Variants in ISY1 observed in about 807,000 individuals in gnomAD.
ISY1 encodes pre-mRNA-splicing factor ISY1 homolog.
ISY1 carries 12 observed loss-of-function variants against 54.4 expected under a neutral mutation model. The observed-to-expected ratio is 0.22, with a 90% CI of 0.14 to 0.36. ISY1 has a LOEUF of 0.36. ISY1 is among the 10% of genes least tolerant of loss of function. The pLI is 1.00. For synonymous variants in ISY1, 96 were observed against 117.9 expected (o/e 0.81, Z 1.20); for missense variants, 282 against 342.2 (o/e 0.82, Z 1.39).
Position 129,142,132 on chromosome 3 carries a change from G to A in ISY1, c.301-1647C>T, listed in dbSNP as rs1258462499. 3.3e-5 allele frequency among the ~76,000 whole-genome samples: 5 copies of A among 151,612 alleles called. No individual in the cohort carries two copies. The East Asian group carries it at 9.7e-4, about 29-fold the overall frequency. On this transcript the variant is annotated intron_variant, in intron 6 of 10. Coordinates refer to ENST00000393295, the MANE Select transcript of ISY1 (RefSeq NM_020701.4). Reference sequence around the variant, plus strand: ...GAGCACAAGAATCACTTGAACCTGGGAGGCGGAGGTTAGGGTGAGCTGAGA... The same window carrying A: ...GAGCACAAGAATCACTTGAACCTGGAAGGCGGAGGTTAGGGTGAGCTGAGA...
At chr3:129,137,648 G>GGGAT (rs1936456992) in intron 7 of ISY1, among the ~76,000 whole-genome samples, 5 of 151,662 alleles carry the variant, frequency 3.3e-5, no homozygotes, top group Admixed American at 3.3e-4. Flanking sequence ...CGGGAGCAGT[G>GGGAT]GGATGTTATC....
intron 5 of ISY1, among the ~76,000 whole-genome samples, chr3:129,146,139 C>G (rs1936759822): frequency 6.6e-6 from 1 of 151,996 alleles, no homozygotes; most frequent in Non-Finnish European, 1.5e-5. Context: ...ATAAACAACC[C>G]TGAAACAACC....
At chr3:129,157,273 T>C (rs1487780939) in intron 3 of ISY1, among the ~76,000 whole-genome samples, 1 of 152,134 alleles carries the variant, frequency 6.6e-6, no homozygotes, top group African/African-American at 2.4e-5. Context: ...CATGTGCGTA[T>C]ATAAAATTAA....
At chr3:129,160,497 G>A (rs1184448050) in intron 1 of ISY1, among the ~76,000 whole-genome samples, 1 of 151,612 alleles carries the variant, frequency 6.6e-6, no homozygotes, top group East Asian at 1.9e-4. Flanking sequence ...CATCTGCAAC[G>A]ACTCTGTGTC....
In ISY1 at chr3:129,154,601, T is replaced by C. The variant is rs544335272; in HGVS notation, c.187+2032A>G. ...ATCCTTTTAATGTATATAGATTCTA[T>C]AGTAATATTCCCAATTTGGTTCCTA... On this transcript the variant is annotated intron_variant, in intron 5 of 10. Coordinates refer to ENST00000393295, the MANE Select transcript of ISY1 (RefSeq NM_020701.4). Among the ~76,000 whole-genome samples, 5 of 152,176 alleles carry C rather than the reference T, an allele frequency of 3.3e-5. No homozygotes were observed. In the South Asian group the frequency reaches 8.3e-4, roughly 25 times the overall value.
intron 5 of ISY1, among the ~76,000 whole-genome samples, chr3:129,153,325 G>C (rs756495839): frequency 2.0e-5 from 3 of 152,120 alleles, no homozygotes; most frequent in Non-Finnish European, 4.4e-5. Flanking sequence ...TTCTTTAACA[G>C]ATATAGGACT....
At chr3:129,151,960 A>C (rs1415336892) in intron 5 of ISY1, among the ~76,000 whole-genome samples, 1 of 152,120 alleles carries the variant, frequency 6.6e-6, no homozygotes, top group Non-Finnish European at 1.5e-5. Context: ...GGAATTCGAG[A>C]CCAGCCTTGC....
At chr3:129,142,435 G>A (rs1443746842) in intron 6 of ISY1, among the ~76,000 whole-genome samples, 2 of 152,114 alleles carry the variant, frequency 1.3e-5, no homozygotes, top group East Asian at 3.8e-4. Context: ...AAAGGGTAAA[G>A]AAGCATGATG....
At chr3:129,130,759 T>TA in intron 9 of ISY1, 123 bp from the exon 10 acceptor site, 1 of 1,048,194 alleles carries the variant, frequency 9.5e-7, no homozygotes, top group Admixed American at 3.0e-5. Context: ...GTTCTATACT[T>TA]ATAGAAAGAC....
intron 5 of ISY1, among the ~76,000 whole-genome samples, chr3:129,151,957 G>A (rs917910172): frequency 1.3e-5 from 2 of 152,046 alleles, no homozygotes; most frequent in Admixed American, 6.6e-5. Context: ...TTGGGAATTC[G>A]AGACCAGCCT....
chr3:129,130,654 G>T lies in ISY1; in HGVS notation c.664-18C>A, dbSNP rs563551591. 8 of 1,613,374 alleles carry T rather than the reference G, an allele frequency of 5.0e-6. No homozygotes were observed. The highest frequency in any genetic ancestry group is 3.3e-5 in the South Asian group (3 of 91,044). ...TCGTCCGACTACAAACAGAACAAAC[G>T]AAAGTCCATCAGTAGGCGCCCAGCT... On this transcript the variant is annotated intron_variant, in intron 9 of 10. Coordinates refer to ENST00000393295, the MANE Select transcript of ISY1 (RefSeq NM_020701.4).
chr3:129,129,437 G>T lies in ISY1; in HGVS notation c.*644C>A, dbSNP rs1211449516. On this transcript the variant is annotated 3_prime_UTR_variant, in exon 11 of 11. Coordinates refer to ENST00000393295, the MANE Select transcript of ISY1 (RefSeq NM_020701.4). ...TCGCCAGGCTGGAGTGCAATGGCAC[G>T]ATCTTGGCTCACTTCAACCTCCACC... The T allele has an allele frequency of 6.7e-6, 1 of 150,088 alleles. No individual in the cohort carries two copies. Among genetic ancestry groups the T allele is most frequent in the South Asian group, 2.1e-4 (1 of 4,776 alleles). The allele number at this position is 150,088 out of a possible 1,614,324, so 9.3% of individuals were successfully genotyped here. A position where few individuals can be genotyped will look rare whatever the true frequency, so the allele number is the denominator to read the frequency against.
chr3:129,143,179 C>T (rs1021330183), intron 6 of ISY1, among the ~76,000 whole-genome samples: 1 of 152,152 alleles, frequency 6.6e-6, no homozygotes, highest in Non-Finnish European at 1.5e-5. Flanking sequence ...TGCCACTGCA[C>T]TCCAGCCTGG....
chr3:129,158,473 A>T (rs893875070), intron 3 of ISY1, 35 bp downstream of exon 3: 1 of 1,612,010 alleles, frequency 6.2e-7, no homozygotes, highest in African/African-American at 1.3e-5. Flanking sequence ...TTTATTCTTG[A>T]TACTTTACAA....
chr3:129,141,846 C>A (rs962876804), intron 6 of ISY1, among the ~76,000 whole-genome samples: 1 of 151,810 alleles, frequency 6.6e-6, no homozygotes, highest in South Asian at 2.1e-4. Flanking sequence ...AGATTACAAA[C>A]AACCTATATG....
At chr3:129,152,172 G>A (rs1224785564) in intron 5 of ISY1, among the ~76,000 whole-genome samples, 1 of 151,792 alleles carries the variant, frequency 6.6e-6, no homozygotes, top group Admixed American at 6.6e-5. Context: ...AAAAAAAAAA[G>A]AAGTGCTTTA....
At chr3:129,146,866 TG>T (rs1053837207) in intron 5 of ISY1, among the ~76,000 whole-genome samples, 4 of 152,112 alleles carry the variant, frequency 2.6e-5, no homozygotes, top group Non-Finnish European at 5.9e-5. Flanking sequence ...AAGACTAGCC[TG>T]GGCAACATAG....
chr3:129,154,615 A>G (rs1937079278), intron 5 of ISY1, among the ~76,000 whole-genome samples: 1 of 151,344 alleles, frequency 6.6e-6, no homozygotes, highest in South Asian at 2.1e-4. Context: ...AATATTCCCA[A>G]TTTGGTTCCT....
chr3:129,158,349 G>A (rs1937206951), intron 3 of ISY1, among the ~76,000 whole-genome samples, 159 bp downstream of exon 3: 1 of 151,594 alleles, frequency 6.6e-6, no homozygotes, highest in African/African-American at 2.4e-5. Context: ...TGTAAAGAAG[G>A]GATTTTGCCA....
Sources: gnomAD v4.1 joint callset for allele counts (sites outside exome capture counted in the v4.1 genomes callset) on GRCh38, gnomAD v4.1.1 for gene constraint, MANE v1.5 for transcripts, NCBI Gene and HGNC (gene_info 2026-07-23, HGNC 2026-07-21) for gene names.